The following ARHGEF10L variants were observed in gnomAD, a reference collection of about 807,000 sequenced individuals.
The protein encoded by ARHGEF10L is rho guanine nucleotide exchange factor 10-like protein.
Under a neutral mutation model 141.2 loss-of-function variants are expected in ARHGEF10L, and 69 were observed. The observed-to-expected ratio is 0.49, with a 90% confidence interval of 0.40 to 0.60. ARHGEF10L has a LOEUF of 0.60. Among genes scored for constraint, ARHGEF10L ranks in the 20% least tolerant of loss-of-function variants. ARHGEF10L has a pLI of 0.00. For missense variants in ARHGEF10L, 1,482 were observed against 1,734.3 expected (o/e 0.85, Z 2.58); for synonymous variants, 711 against 718.5 (o/e 0.99, Z 0.17).
chr1:17,617,882 C>T (rs1022702614), intron 9 of ARHGEF10L, among the ~76,000 whole-genome samples: 6 of 152,118 alleles, frequency 3.9e-5, no homozygotes, highest in Non-Finnish European at 8.8e-5. Context: ...AGGACGGCCT[C>T]GTGCTGGCCT....
Position 17,652,704 on chromosome 1 carries a change from G to A in ARHGEF10L, c.2395-1932G>A, listed in dbSNP as rs1041457970. Among the ~76,000 whole-genome samples, 56 of 152,164 alleles carry A rather than the reference G, an allele frequency of 3.7e-4. 1 individual carries two copies. The highest frequency in any genetic ancestry group is 6.8e-4 in the Non-Finnish European group (46 of 68,018). The stretch of plus-strand genomic sequence containing the variant: ...TCTCTGGAGGGGTGGCAGGAGGGCA[G>A]GGAGGGTTCAGCGCAAACCCATTTC... On this transcript the variant is annotated intron_variant, in intron 22 of 28. Coordinates refer to ENST00000361221, the MANE Select transcript of ARHGEF10L (RefSeq NM_018125.4).
intron 20 of ARHGEF10L, 159 bp from the exon 21 acceptor site, chr1:17,640,043 G>A: frequency 6.8e-7 from 1 of 1,471,512 alleles, no homozygotes; most frequent in Non-Finnish European, 9.0e-7. Context: ...CCGAGGCTTT[G>A]CCAAGCCACT....
intron 26 of ARHGEF10L, among the ~76,000 whole-genome samples, chr1:17,679,161 T>C (rs1395592820): frequency 6.6e-6 from 1 of 152,164 alleles, no homozygotes; most frequent in East Asian, 1.9e-4. Flanking sequence ...AAGGATGACC[T>C]CACACCCACC....
At chr1:17,641,588 A>C (rs1282059039) in intron 21 of ARHGEF10L, among the ~76,000 whole-genome samples, 3 of 152,154 alleles carry the variant, frequency 2.0e-5, no homozygotes, top group Admixed American at 2.0e-4. Context: ...ATGCCACTGC[A>C]CTCCAGCCTG....
chr1:17,676,282 A>T (rs34571066), intron 26 of ARHGEF10L, among the ~76,000 whole-genome samples: 3 of 113,824 alleles, frequency 2.6e-5, no homozygotes, highest in Non-Finnish European at 5.3e-5. Context: ...GTGTAGTTGC[A>T]GGTGTGGGTG....
At chr1:17,653,358 C>T (rs1439198409) in intron 22 of ARHGEF10L, among the ~76,000 whole-genome samples, 1 of 152,224 alleles carries the variant, frequency 6.6e-6, no homozygotes, top group Admixed American at 6.5e-5. Context: ...GGGCTAGGGC[C>T]TTGCCTGTGA....
chr1:17,610,790 C>G (rs1414639150), intron 7 of ARHGEF10L, among the ~76,000 whole-genome samples: 3 of 152,210 alleles, frequency 2.0e-5, no homozygotes, highest in African/African-American at 7.2e-5. Context: ...ACTAATGGAA[C>G]CCCTTCTTCA....
chr1:17,632,551 T>C, intron 16 of ARHGEF10L, 85 bp downstream of exon 16: 1 of 1,554,352 alleles, frequency 6.4e-7, no homozygotes, highest in Non-Finnish European at 8.8e-7. Context: ...CCGGCCGCAC[T>C]ACAGTGGGAC....
intron 26 of ARHGEF10L, among the ~76,000 whole-genome samples, chr1:17,665,672 C>T (rs148748389): frequency 7.7e-4 from 117 of 152,308 alleles, no homozygotes; most frequent in African/African-American, 2.5e-3. Context: ...ATAAGTGTCC[C>T]GTTCCTGGAA....
chr1:17,695,006 C>T, intron 27 of ARHGEF10L, 152 bp from the exon 28 acceptor site: 2 of 1,165,784 alleles, frequency 1.7e-6, no homozygotes, highest in Admixed American at 3.4e-5. Flanking sequence ...AGGTCAGCCT[C>T]CAAAGCCCCA....
intron 1 of ARHGEF10L, among the ~76,000 whole-genome samples, chr1:17,562,276 G>A (rs1374452259): frequency 6.6e-6 from 1 of 152,204 alleles, no homozygotes; most frequent in African/African-American, 2.4e-5. Flanking sequence ...AATTGGCTGG[G>A]CGTGGTGGCG....
At chr1:17,560,337 T>A (rs2077496381) in intron 1 of ARHGEF10L, among the ~76,000 whole-genome samples, 1 of 152,218 alleles carries the variant, frequency 6.6e-6, no homozygotes, top group Non-Finnish European at 1.5e-5. Context: ...TTTCCCCACC[T>A]GGATCTCCAG....
intron 1 of ARHGEF10L, among the ~76,000 whole-genome samples, chr1:17,546,583 C>T (rs2076923446): frequency 6.6e-6 from 1 of 152,208 alleles, no homozygotes; most frequent in Non-Finnish European, 1.5e-5. Context: ...TCTGCAGTCC[C>T]GTGCTCCCCT....
At chr1:17,578,523 A>G (rs2078316968) in intron 1 of ARHGEF10L, among the ~76,000 whole-genome samples, 1 of 106,512 alleles carries the variant, frequency 9.4e-6, no homozygotes, top group African/African-American at 3.0e-5. Context: ...TATCTCTAGA[A>G]AAAATTTTAA....
At chr1:17,533,551 A>T in the ARHGEF10L span, among the ~76,000 whole-genome samples, 1 of 152,302 alleles carries the variant, frequency 6.6e-6, no homozygotes, top group African/African-American at 2.4e-5. Flanking sequence ...CCCGTAAAGG[A>T]GCAGCTCAGG....
rs138294959 is a variant in ARHGEF10L, at chr1:17,661,540, A to G, written c.2861-2907A>G. Among the ~76,000 whole-genome samples the G allele has an allele frequency of 3.8e-3, 576 of 152,274 alleles. 2 individuals carry two copies. Among genetic ancestry groups the G allele is most frequent in the African/African-American group, 0.013 (558 of 41,538 alleles). On this transcript the variant is annotated intron_variant, in intron 25 of 28. Transcript: ENST00000361221. ...GGTTTTAGACCCTAGCTCCTACCCTAGGCTTCCACAGCGAGGCTCTGTTCC... is the reference window on the plus strand; with the variant it reads ...GGTTTTAGACCCTAGCTCCTACCCTGGGCTTCCACAGCGAGGCTCTGTTCC...
At chr1:17,541,366 A>C (rs969046301) in intron 1 of ARHGEF10L, among the ~76,000 whole-genome samples, 8 of 152,198 alleles carry the variant, frequency 5.3e-5, no homozygotes, top group Non-Finnish European at 1.0e-4. Flanking sequence ...TCTGTCCTTG[A>C]TCACAGCTCA....
chr1:17,587,947 C>T (rs2079164077), intron 3 of ARHGEF10L, among the ~76,000 whole-genome samples: 1 of 152,254 alleles, frequency 6.6e-6, no homozygotes, highest in Non-Finnish European at 1.5e-5. Context: ...GCAGCTTCTC[C>T]TAAAGAATCC....
chr1:17,573,265 G>A lies in ARHGEF10L; in HGVS notation c.-43-7288G>A, dbSNP rs776763392. On this transcript the variant is annotated intron_variant, in intron 1 of 28. Transcript: ENST00000361221. The surrounding 1 kb of genome is among the most constrained non-coding windows in gnomAD (Gnocchi z 4.8). ...TGCTAAGTGGCGAGGGCCCAGCAGC[G>A]AGGACGCCCAGCAGCTGGGAGGCGG... 6.6e-6 allele frequency among the ~76,000 whole-genome samples: 1 copy of A among 152,174 alleles called. No individual in the cohort carries two copies. The highest frequency in any genetic ancestry group is 1.5e-5 in the Non-Finnish European group (1 of 68,026).
Sources: allele counts gnomAD v4.1 joint callset (sites outside exome capture counted in the v4.1 genomes callset), GRCh38; gene constraint gnomAD v4.1.1; non-coding constraint Gnocchi (gnomAD v3.1); transcripts MANE v1.5; gene names NCBI Gene and HGNC (gene_info 2026-07-23, HGNC 2026-07-21).